SGCD: variants seen among roughly 807,000 people sequenced by gnomAD.
SGCD encodes the protein delta-sarcoglycan.
In SGCD, 18 loss-of-function variants were observed where a neutral mutation model predicts 36.6. The ratio of observed to expected loss-of-function variants is 0.49; its 90% confidence interval spans 0.34 to 0.73. The LOEUF (loss-of-function observed/expected upper bound fraction) is 0.73. Ranked by LOEUF, SGCD falls within the 30% of genes least tolerant of loss-of-function variation. SGCD has a pLI of 0.01. For missense variants in SGCD, 387 were observed against 346.7 expected, an observed-to-expected ratio of 1.12 and a Z score of -0.92; for synonymous variants, 133 against 130.6, an observed-to-expected ratio of 1.02 and a Z score of -0.12.
intron 1 of SGCD, among the ~76,000 whole-genome samples, chr5:156,035,235 T>C (rs986234281): frequency 1.3e-5 from 2 of 152,322 alleles, no homozygotes; most frequent in Admixed American, 6.5e-5. Flanking sequence ...TGGGATTGAA[T>C]TCTACCATCT....
chr5:156,276,802 C>T (rs1343689929), intron 3 of SGCD, among the ~76,000 whole-genome samples: 2 of 152,078 alleles, frequency 1.3e-5, no homozygotes, highest in Admixed American at 6.6e-5. Context: ...TATACATTAG[C>T]TAGCAAAATT....
intron 4 of SGCD, among the ~76,000 whole-genome samples, chr5:156,553,977 T>TC (rs146445826): frequency 0.032 from 4,845 of 152,252 alleles, 269 homozygotes; most frequent in African/African-American, 0.11. Flanking sequence ...TATACAGTCG[T>TC]CCCCCTTAAT....
At chr5:155,731,913 G>T in the SGCD span, among the ~76,000 whole-genome samples, 1 of 151,818 alleles carries the variant, frequency 6.6e-6, no homozygotes, top group South Asian at 2.1e-4. Context: ...TCTCTAATTT[G>T]TTTCTGGATT....
intron 1 of SGCD, among the ~76,000 whole-genome samples, chr5:155,975,825 T>C (rs1361571783): frequency 6.6e-6 from 1 of 151,546 alleles, no homozygotes; most frequent in Non-Finnish European, 1.5e-5. Context: ...AGACGGGGTT[T>C]TGCCATGTTG....
intron 3 of SGCD, among the ~76,000 whole-genome samples, chr5:156,128,578 G>A (rs773107545): frequency 8.5e-5 from 13 of 152,106 alleles, no homozygotes; most frequent in Non-Finnish European, 1.5e-4. Flanking sequence ...TAATTCCCAC[G>A]TGTCAAGGTA....
chr5:155,840,829 T>C, the SGCD span, among the ~76,000 whole-genome samples: 4 of 151,280 alleles, frequency 2.6e-5, no homozygotes, highest in African/African-American at 9.7e-5. Flanking sequence ...CTGATCAACA[T>C]GGAGAAACCC....
chr5:155,959,442 A>C (rs1456491568), intron 1 of SGCD, among the ~76,000 whole-genome samples: 2 of 152,100 alleles, frequency 1.3e-5, no homozygotes, highest in African/African-American at 4.8e-5. Context: ...AGCATATAAT[A>C]GGGGGATCTG....
chr5:156,194,530 T>G (rs970456480), intron 3 of SGCD, among the ~76,000 whole-genome samples: 2 of 152,188 alleles, frequency 1.3e-5, no homozygotes, highest in African/African-American at 4.8e-5. Flanking sequence ...AACAGTCAAT[T>G]GTGTTATATT....
At chr5:156,182,172 A>G (rs1763626241) in intron 3 of SGCD, among the ~76,000 whole-genome samples, 1 of 152,258 alleles carries the variant, frequency 6.6e-6, no homozygotes, top group Admixed American at 6.5e-5. Flanking sequence ...ATGCAGAGCC[A>G]GGAATAGTCA....
intron 1 of SGCD, among the ~76,000 whole-genome samples, chr5:155,981,842 C>G (rs1012143770): frequency 2.1e-4 from 32 of 152,176 alleles, no homozygotes; most frequent in African/African-American, 7.7e-4. Context: ...ATGGTCTTTG[C>G]CTTGGGTTTA....
At chr5:155,882,918 C>T (rs1489212370) in intron 1 of SGCD, among the ~76,000 whole-genome samples, 1 of 152,172 alleles carries the variant, frequency 6.6e-6, no homozygotes, top group Non-Finnish European at 1.5e-5. Flanking sequence ...ATGGCTTCTT[C>T]CAACAGAAAG....
At chr5:155,887,148 T>G (rs1440330236) in intron 1 of SGCD, among the ~76,000 whole-genome samples, 1 of 152,178 alleles carries the variant, frequency 6.6e-6, no homozygotes, top group Non-Finnish European at 1.5e-5. Flanking sequence ...ACAGAGACTT[T>G]CCTGCTTCAC....
the SGCD span, among the ~76,000 whole-genome samples, chr5:155,833,954 A>G: frequency 1.3e-5 from 2 of 152,220 alleles, no homozygotes; most frequent in African/African-American, 4.8e-5. Flanking sequence ...CCCTACACTG[A>G]GTTGTGGAAG....
At chr5:156,586,008 A>C (rs934322533) in intron 4 of SGCD, among the ~76,000 whole-genome samples, 7 of 152,070 alleles carry the variant, frequency 4.6e-5, no homozygotes, top group Admixed American at 4.6e-4. Context: ...TTAATGAACC[A>C]ATAATGATAC....
chr5:156,540,008 T>A (rs548209352), intron 4 of SGCD, among the ~76,000 whole-genome samples: 1 of 152,262 alleles, frequency 6.6e-6, no homozygotes, highest in African/African-American at 2.4e-5. Context: ...GTGAATACAC[T>A]TTCTCTTTTA....
intron 7 of SGCD, among the ~76,000 whole-genome samples, chr5:156,667,940 CAT>C (rs987945934): frequency 1.3e-5 from 2 of 152,196 alleles, no homozygotes; most frequent in South Asian, 2.1e-4. Context: ...ACTGTGCTTA[CAT>C]TTACTATTAA....
At chr5:156,508,988 A>G (rs571291219) in intron 4 of SGCD, among the ~76,000 whole-genome samples, 1 of 152,246 alleles carries the variant, frequency 6.6e-6, no homozygotes, top group Non-Finnish European at 1.5e-5. Context: ...GAACAGCCAT[A>G]AATAATATAT....
At chr5:155,988,489 G>A (rs1027494894) in intron 1 of SGCD, among the ~76,000 whole-genome samples, 9 of 152,132 alleles carry the variant, frequency 5.9e-5, no homozygotes, top group Non-Finnish European at 1.3e-4. Context: ...GGTTTTGTTA[G>A]CAAAGAAAAG....
intron 1 of SGCD, among the ~76,000 whole-genome samples, chr5:156,009,269 G>T (rs1388054012): frequency 6.6e-6 from 1 of 152,054 alleles, no homozygotes; most frequent in African/African-American, 2.4e-5. Flanking sequence ...TGACCCTTTG[G>T]GTTCCAAAGA....
Sources: allele counts gnomAD v4.1 joint callset (sites outside exome capture counted in the v4.1 genomes callset), GRCh38; gene constraint gnomAD v4.1.1; transcripts MANE v1.5; gene names NCBI Gene and HGNC (gene_info 2026-07-23, HGNC 2026-07-21).